Variants in SNX29 observed in about 807,000 individuals in gnomAD.
The protein encoded by SNX29 is sorting nexin-29.
Under a neutral mutation model 102.1 loss-of-function variants are expected in SNX29, and 78 were observed. That is an observed-to-expected ratio of 0.76 (90% CI 0.64 to 0.92). The LOEUF is 0.92. Ranked by LOEUF, SNX29 falls within the 40% of genes least tolerant of loss-of-function variation. The pLI, the probability that SNX29 is intolerant of heterozygous loss-of-function variation, is 0.00. For synonymous variants in SNX29, 580 were observed against 414.5 expected, an observed-to-expected ratio of 1.40 and a Z score of -4.85; for missense variants, 1,280 against 1,061.7, an observed-to-expected ratio of 1.21 and a Z score of -2.86.
At chr16:12,383,767 A>G (rs1259867875) in intron 16 of SNX29, among the ~76,000 whole-genome samples, 2 of 142,020 alleles carry the variant, frequency 1.4e-5, no homozygotes, top group South Asian at 2.2e-4. Flanking sequence ...AGATACGTCA[A>G]CTTTCTTTTT....
chr16:12,433,630 CAAAAA>C (rs1235730528), intron 18 of SNX29, among the ~76,000 whole-genome samples: 1 of 55,336 alleles, frequency 1.8e-5, no homozygotes, highest in Admixed American at 2.0e-4. Context: ...GACTGCGTCT[CAAAAA>C]AAAAAAAAAA....
At chr16:12,480,257 G>A (rs1165276709) in intron 19 of SNX29, among the ~76,000 whole-genome samples, 1 of 152,120 alleles carries the variant, frequency 6.6e-6, no homozygotes, top group Non-Finnish European at 1.5e-5. Context: ...AAATCAAGAC[G>A]TCACCCAGGC....
At chr16:12,188,044 G>A (rs1266935537) in intron 13 of SNX29, among the ~76,000 whole-genome samples, 1 of 152,142 alleles carries the variant, frequency 6.6e-6, no homozygotes, top group African/African-American at 2.4e-5. Context: ...GATAATTTGA[G>A]CATTATTCCA....
At chr16:12,325,704 T>C (rs1456458993) in intron 15 of SNX29, among the ~76,000 whole-genome samples, 1 of 152,110 alleles carries the variant, frequency 6.6e-6, no homozygotes, top group Non-Finnish European at 1.5e-5. Flanking sequence ...GTAGATTTGC[T>C]CCTTATTTTA....
chr16:12,545,237 C>G (rs558581305), intron 20 of SNX29, among the ~76,000 whole-genome samples: 21 of 152,334 alleles, frequency 1.4e-4, no homozygotes, highest in Non-Finnish European at 2.6e-4. Context: ...GAAAGGGCCT[C>G]TGTTCTCAAG....
At chr16:12,223,143 C>A (rs1052880760) in intron 14 of SNX29, among the ~76,000 whole-genome samples, 7 of 152,148 alleles carry the variant, frequency 4.6e-5, no homozygotes, top group Non-Finnish European at 8.8e-5. Flanking sequence ...AAGGGTGAAC[C>A]CCAATGCTAC....
intron 18 of SNX29, among the ~76,000 whole-genome samples, chr16:12,461,351 A>G (rs1335025370): frequency 6.6e-6 from 1 of 152,114 alleles, no homozygotes; most frequent in Admixed American, 6.6e-5. Flanking sequence ...GAATTTCCAG[A>G]GGTGGTTTTG....
chr16:12,146,827 C>A (rs1335352164), intron 13 of SNX29, among the ~76,000 whole-genome samples: 1 of 152,156 alleles, frequency 6.6e-6, no homozygotes, highest in Non-Finnish European at 1.5e-5. Flanking sequence ...AATGGGAGCA[C>A]CTTCTCAAAC....
intron 15 of SNX29, among the ~76,000 whole-genome samples, chr16:12,294,867 A>G (rs1197242954): frequency 2.0e-5 from 3 of 152,116 alleles, no homozygotes; most frequent in Non-Finnish European, 4.4e-5. Context: ...CTGCTGATAA[A>G]GACATATCTG....
At chr16:12,269,862 T>C (rs5025577) in intron 14 of SNX29, among the ~76,000 whole-genome samples, 1,143 of 30,074 alleles carry the variant, frequency 0.038, 13 homozygotes, top group African/African-American at 0.1. Context: ...TCATCATCAT[T>C]ATTATTATTA....
intron 15 of SNX29, among the ~76,000 whole-genome samples, chr16:12,334,991 G>A (rs764478261): frequency 4.9e-5 from 7 of 142,210 alleles, no homozygotes; most frequent in South Asian, 2.2e-4. Flanking sequence ...TGAGCATTCC[G>A]TCAGCGAATA....
At chr16:12,117,250 C>T (rs12923515) in intron 11 of SNX29, among the ~76,000 whole-genome samples, 507 of 40,752 alleles carry the variant, frequency 0.012, 1 homozygote, top group Middle Eastern at 0.065. Flanking sequence ...GCGGACGAAC[C>T]GTGGAAACAG....
intron 19 of SNX29, among the ~76,000 whole-genome samples, chr16:12,516,062 C>G (rs921723960): frequency 1.5e-4 from 23 of 152,136 alleles, no homozygotes; most frequent in African/African-American, 5.1e-4. Flanking sequence ...TGCCCCAACT[C>G]CCATTACCTT....
intron 16 of SNX29, among the ~76,000 whole-genome samples, chr16:12,377,338 G>A (rs1202060511): frequency 6.6e-6 from 1 of 152,212 alleles, no homozygotes; most frequent in African/African-American, 2.4e-5. Flanking sequence ...CCACTGCTCT[G>A]TGTTGTCACC....
chr16:11,982,922 T>A (rs115693701), intron 1 of SNX29, among the ~76,000 whole-genome samples: 22 of 152,018 alleles, frequency 1.4e-4, no homozygotes, highest in Middle Eastern at 3.2e-3. Flanking sequence ...TTAAAAAAAA[T>A]TTTTTTTAAT....
intron 16 of SNX29, among the ~76,000 whole-genome samples, chr16:12,396,048 G>A (rs1011432773): frequency 1.3e-5 from 2 of 152,128 alleles, no homozygotes; most frequent in African/African-American, 4.8e-5. Context: ...AAATCTCCGG[G>A]TTTACTGATC....
At chr16:12,464,922 T>C (rs1403273976) in intron 18 of SNX29, among the ~76,000 whole-genome samples, 1 of 152,258 alleles carries the variant, frequency 6.6e-6, no homozygotes, top group African/African-American at 2.4e-5. Context: ...TTGTCTCTTA[T>C]CTTTTGGAGA....
rs181530300 is a variant in SNX29, at chr16:12,497,534, G to A, written c.2178+19675G>A. Among the ~76,000 whole-genome samples, 262 of 152,296 alleles carry A rather than the reference G, an allele frequency of 1.7e-3. 1 individual carries two copies. The highest frequency in any genetic ancestry group is 2.8e-3 in the Non-Finnish European group (189 of 68,016). On this transcript the variant is annotated intron_variant, in intron 19 of 20. Transcript: ENST00000566228. ...CATGTATTGGCTTGTGTAACGAGAG[G>A]CTTAGGAATGACTTCAGGAGTGGCT...
At chr16:12,192,587 C>G (rs1029666213) in intron 13 of SNX29, among the ~76,000 whole-genome samples, 1 of 152,248 alleles carries the variant, frequency 6.6e-6, no homozygotes, top group Non-Finnish European at 1.5e-5. Flanking sequence ...TCACAGCTCA[C>G]TGCAGCCTGC....
Sources: allele counts gnomAD v4.1 joint callset (sites outside exome capture counted in the v4.1 genomes callset), GRCh38; gene constraint gnomAD v4.1.1; transcripts MANE v1.5; gene names NCBI Gene and HGNC (gene_info 2026-07-23, HGNC 2026-07-21).